ENTREP1: variants seen among roughly 807,000 people sequenced by gnomAD.
The protein encoded by ENTREP1 is endosomal transmembrane epsin interactor 1.
At chr9:69,325,282 ACCCGG>A in the ENTREP1 span, 1 of 40,572 alleles carries the variant, frequency 2.5e-5, no homozygotes, top group Non-Finnish European at 2.7e-5. Flanking sequence ...AGCCGGCCGC[ACCCGG>A]CCGCACCCTT....
chr9:69,371,654 C>A, the ENTREP1 span: 1 of 1,288,958 alleles, frequency 7.8e-7, no homozygotes, highest in Non-Finnish European at 1.1e-6. Flanking sequence ...CAGACCCTGG[C>A]TTGTCAGGTG....
the ENTREP1 span, chr9:69,382,808 T>C: frequency 3.7e-5 from 6 of 160,706 alleles, no homozygotes; most frequent in African/African-American, 1.4e-4. Context: ...TGTTTTCTCA[T>C]CCATTTCTTT....
chr9:69,364,451 C>T, the ENTREP1 span, among the ~76,000 whole-genome samples: 1 of 152,036 alleles, frequency 6.6e-6, no homozygotes, highest in Non-Finnish European at 1.5e-5. Context: ...CTTCCCCTTC[C>T]CAGATGTTGC....
At chr9:69,343,996 T>C in the ENTREP1 span, among the ~76,000 whole-genome samples, 49 of 152,192 alleles carry the variant, frequency 3.2e-4, no homozygotes, top group Non-Finnish European at 5.1e-4. Context: ...TTAAAAGTAA[T>C]GGCAAAAACC....
At chr9:69,377,520 C>G in the ENTREP1 span, 1 of 1,607,116 alleles carries the variant, frequency 6.2e-7, no homozygotes, top group African/African-American at 1.3e-5. Context: ...TCCGCTGAGC[C>G]AGCCCATGGA....
At chr9:69,346,930 G>A in the ENTREP1 span, among the ~76,000 whole-genome samples, 6 of 152,196 alleles carry the variant, frequency 3.9e-5, no homozygotes, top group Non-Finnish European at 8.8e-5. Context: ...TTCTCATGGG[G>A]AAAAGGGGAA....
At chr9:69,325,786 C>T in the ENTREP1 span, 1 of 1,212,882 alleles carries the variant, frequency 8.2e-7, no homozygotes, top group Non-Finnish European at 1.0e-6. Flanking sequence ...TCTGGTCGTT[C>T]CTCTCCATTG....
chr9:69,336,933 C>T, the ENTREP1 span, among the ~76,000 whole-genome samples: 1 of 150,276 alleles, frequency 6.7e-6, no homozygotes, highest in African/African-American at 2.4e-5. Context: ...CTCCTGACCT[C>T]GTGATCCTCC....
the ENTREP1 span, among the ~76,000 whole-genome samples, chr9:69,340,601 G>GTGTGTGTGCA: frequency 1.3e-4 from 11 of 87,656 alleles, no homozygotes; most frequent in African/African-American, 3.9e-4. Flanking sequence ...GTGCATGCAT[G>GTGTGTGTGCA]TGTGTGTGTG....
chr9:69,340,763 A>ATG, the ENTREP1 span, among the ~76,000 whole-genome samples: 17 of 29,294 alleles, frequency 5.8e-4, 1 homozygote, highest in East Asian at 2.2e-3. Flanking sequence ...GTGTGCGTGC[A>ATG]TGTGTGTGTG....
chr9:69,324,667 C>A, the ENTREP1 span: 234 of 984,984 alleles, frequency 2.4e-4, no homozygotes, highest in Non-Finnish European at 2.8e-4. Flanking sequence ...GGTAACTGCG[C>A]TCGGCGTCGT....
the ENTREP1 span, chr9:69,382,031 C>A: frequency 6.6e-6 from 1 of 152,650 alleles, no homozygotes. Flanking sequence ...AGAAACTTTC[C>A]AGGCAGGGGA....
At chr9:69,386,280 T>C in the ENTREP1 span, 554 of 176,818 alleles carry the variant, frequency 3.1e-3, 5 homozygotes, top group African/African-American at 0.013. Flanking sequence ...TATAGGAATA[T>C]GCATTGTCTT....
At chr9:69,351,486 G>C in the ENTREP1 span, among the ~76,000 whole-genome samples, 1 of 152,042 alleles carries the variant, frequency 6.6e-6, no homozygotes, top group Non-Finnish European at 1.5e-5. Flanking sequence ...GCATGATCTC[G>C]GCTCTCTACA....
the ENTREP1 span, among the ~76,000 whole-genome samples, chr9:69,367,678 T>TAA: frequency 1.5e-5 from 2 of 129,316 alleles, no homozygotes; most frequent in Non-Finnish European, 3.3e-5. Context: ...CACACATATA[T>TAA]AAATATATAT....
chr9:69,391,291 C>G, the ENTREP1 span, among the ~76,000 whole-genome samples: 1 of 152,128 alleles, frequency 6.6e-6, no homozygotes, highest in African/African-American at 2.4e-5. Context: ...CAGATGCCAG[C>G]AAGGATCACT....
At chr9:69,345,981 A>G in the ENTREP1 span, among the ~76,000 whole-genome samples, 4 of 151,744 alleles carry the variant, frequency 2.6e-5, no homozygotes, top group Non-Finnish European at 2.9e-5. Flanking sequence ...CTCCACACAA[A>G]TAACACTTTT....
chr9:69,332,952 C>T, the ENTREP1 span, among the ~76,000 whole-genome samples: 370 of 152,232 alleles, frequency 2.4e-3, 3 homozygotes, highest in African/African-American at 8.5e-3. Context: ...TACAGCCACA[C>T]GATGGAATGT....
chr9:69,336,170 GAA>G, the ENTREP1 span: 7 of 1,026,956 alleles, frequency 6.8e-6, no homozygotes, highest in South Asian at 1.6e-5. Context: ...TTGTTTATTG[GAA>G]TTGGTCCATT....
Sources: allele counts gnomAD v4.1 joint callset (sites outside exome capture counted in the v4.1 genomes callset), GRCh38; gene constraint gnomAD v4.1.1; transcripts MANE v1.5; gene names NCBI Gene and HGNC (gene_info 2026-07-23, HGNC 2026-07-21).